The following SGCD variants were observed in gnomAD, a reference collection of about 807,000 sequenced individuals.
SGCD encodes the protein delta-sarcoglycan.
A neutral mutation model predicts 36.6 loss-of-function variants in SGCD; 18 were observed. The ratio of observed to expected loss-of-function variants is 0.49; its 90% CI spans 0.34 to 0.73. SGCD has a LOEUF of 0.73. SGCD is among the 30% of genes least tolerant of loss of function. SGCD has a pLI of 0.01. For missense variants in SGCD, 387 were observed against 346.7 expected (o/e 1.12, Z -0.92); for synonymous variants, 133 against 130.6 (o/e 1.02, Z -0.12).
At chr5:156,621,564 G>A (rs1490629225) in intron 6 of SGCD, among the ~76,000 whole-genome samples, 2 of 152,166 alleles carry the variant, frequency 1.3e-5, no homozygotes, top group Non-Finnish European at 2.9e-5. Context: ...AAATGCTATG[G>A]AAACATAAAA....
intron 1 of SGCD, among the ~76,000 whole-genome samples, chr5:155,876,816 C>T (rs1755777869): frequency 6.6e-6 from 1 of 152,058 alleles, no homozygotes. Flanking sequence ...GATATTCTGC[C>T]TTTATTTTAT....
rs565103906 is a variant in SGCD at position 156,302,876 on chromosome 5, A to G, written c.-43-26658A>G. ...GAGCTGGGGGTGAGGTTATACAAGC[A>G]CCACTGTGGCCACCAACACTGGGAT... On this transcript the variant is annotated intron_variant, in intron 3 of 9. Coordinates refer to the SGCD transcript ENST00000517913. 1.2e-4 allele frequency among the ~76,000 whole-genome samples: 18 copies of G among 152,278 alleles called. No individual in the cohort carries two copies. The South Asian group carries it at 3.3e-3, about 28-fold the overall frequency.
chr5:156,338,422 A>G (rs1315588680), intron 2 of SGCD, among the ~76,000 whole-genome samples: 5 of 152,136 alleles, frequency 3.3e-5, no homozygotes, highest in Non-Finnish European at 7.4e-5. Context: ...TTTCATCCCT[A>G]TGTCTTCTCA....
intron 3 of SGCD, among the ~76,000 whole-genome samples, chr5:156,312,126 C>A (rs1267275343): frequency 6.6e-6 from 1 of 152,136 alleles, no homozygotes; most frequent in Non-Finnish European, 1.5e-5. Context: ...CTACACGTAC[C>A]AAAGGTACTC....
intron 6 of SGCD, among the ~76,000 whole-genome samples, chr5:156,642,268 G>T (rs1303533613): frequency 6.6e-6 from 1 of 151,860 alleles, no homozygotes; most frequent in Admixed American, 6.6e-5. Flanking sequence ...CTGAATTTTG[G>T]GGGGACACAA....
At chr5:156,348,432 C>T (rs184191779) in intron 3 of SGCD, among the ~76,000 whole-genome samples, 5 of 152,108 alleles carry the variant, frequency 3.3e-5, no homozygotes, top group Non-Finnish European at 5.9e-5. Context: ...AATCAATGTA[C>T]ACAAATGAGC....
chr5:156,003,094 A>G (rs1336931216), intron 1 of SGCD, among the ~76,000 whole-genome samples: 1 of 152,194 alleles, frequency 6.6e-6, no homozygotes, highest in Non-Finnish European at 1.5e-5. Flanking sequence ...CTTACCTCGT[A>G]ATTTTAGCTT....
At chr5:156,430,473 A>G (rs1773888447) in intron 3 of SGCD, among the ~76,000 whole-genome samples, 1 of 151,956 alleles carries the variant, frequency 6.6e-6, no homozygotes, top group Admixed American at 6.6e-5. Flanking sequence ...AACCTTTGGA[A>G]TTCTTTATTG....
intron 6 of SGCD, among the ~76,000 whole-genome samples, chr5:156,597,499 T>G (rs780335912): frequency 4.6e-5 from 7 of 152,174 alleles, no homozygotes; most frequent in Non-Finnish European, 1.0e-4. Context: ...TCATGAGACT[T>G]ATTCACGATC....
At chr5:156,307,649 A>G (rs1195893006) in intron 3 of SGCD, among the ~76,000 whole-genome samples, 1 of 137,632 alleles carries the variant, frequency 7.3e-6, no homozygotes, top group Non-Finnish European at 1.5e-5. Flanking sequence ...AACCATACTT[A>G]GATTTCTTTC....
At position 155,923,720 on chromosome 5, in the gene SGCD, CTT is replaced by C. The variant is rs539985034; in HGVS notation, c.-282+53298_-282+53299del. On this transcript the variant is annotated intron_variant, in intron 1 of 9. Transcript: ENST00000517913. ...GATTTTGCTAATGCCAGCAATATTTCTTTACCAAGAACACTTAGTATTTGTTT... is the reference window on the plus strand; with the variant it reads ...GATTTTGCTAATGCCAGCAATATTTCTACCAAGAACACTTAGTATTTGTTT... 2.6e-3 allele frequency among the ~76,000 whole-genome samples: 399 copies of C among 152,326 alleles called. 3 individuals are homozygous for C. The highest frequency in any genetic ancestry group is 9.1e-3 in the African/African-American group (379 of 41,590).
At chr5:156,626,365 C>A (rs1259890353) in intron 6 of SGCD, among the ~76,000 whole-genome samples, 2 of 152,210 alleles carry the variant, frequency 1.3e-5, no homozygotes, top group Non-Finnish European at 2.9e-5. Context: ...AGCAAGTGAG[C>A]AATTAATGTT....
intron 1 of SGCD, among the ~76,000 whole-genome samples, chr5:155,882,126 G>A (rs183848564): frequency 6.6e-6 from 1 of 151,246 alleles, no homozygotes; most frequent in Non-Finnish European, 1.5e-5. Context: ...TCTTTTTTTT[G>A]AGACAGAGTC....
At chr5:156,496,900 C>T (rs1756217994) in intron 3 of SGCD, among the ~76,000 whole-genome samples, 2 of 152,118 alleles carry the variant, frequency 1.3e-5, no homozygotes, top group Admixed American at 6.6e-5. Context: ...AATGTTTGTT[C>T]TTCAAAGCCA....
chr5:155,733,014 GT>G, the SGCD span, among the ~76,000 whole-genome samples: 29,817 of 141,062 alleles, frequency 0.21, 3,656 homozygotes, highest in African/African-American at 0.36. Context: ...TGTTATACTC[GT>G]TTTTTTTTTT....
At chr5:156,334,611 T>TTTTTA in intron 2 of SGCD, among the ~76,000 whole-genome samples, 1 of 50,284 alleles carries the variant, frequency 2.0e-5, no homozygotes. Flanking sequence ...TCTATTTTCT[T>TTTTTA]TTTTTTTTTT....
chr5:155,743,009 G>T, the SGCD span, among the ~76,000 whole-genome samples: 1 of 152,202 alleles, frequency 6.6e-6, no homozygotes, highest in Non-Finnish European at 1.5e-5. Context: ...TGGGGGCACG[G>T]AGCTTCCTTG....
chr5:156,089,931 TG>T (rs1435770410), intron 1 of SGCD, among the ~76,000 whole-genome samples: 2 of 152,156 alleles, frequency 1.3e-5, no homozygotes, highest in East Asian at 3.9e-4. Flanking sequence ...ACAGTTAATC[TG>T]GGTCTGTTTT....
chr5:156,198,645 T>G (rs1764076554), intron 3 of SGCD, among the ~76,000 whole-genome samples: 1 of 152,080 alleles, frequency 6.6e-6, no homozygotes, highest in African/African-American at 2.4e-5. Flanking sequence ...GAAAGAATAG[T>G]TTTTCCCTTA....
Sources: allele counts gnomAD v4.1 joint callset (sites outside exome capture counted in the v4.1 genomes callset), GRCh38; gene constraint gnomAD v4.1.1; transcripts MANE v1.5; gene names NCBI Gene and HGNC (gene_info 2026-07-23, HGNC 2026-07-21).